Variants in DLG2 observed in about 807,000 individuals in gnomAD.
The protein encoded by DLG2 is disks large homolog 2.
Under a neutral mutation model 132.5 loss-of-function variants are expected in DLG2, and 45 were observed. The ratio of observed to expected loss-of-function variants is 0.34; its 90% CI spans 0.27 to 0.44. The LOEUF is 0.44. DLG2 is among the 20% of genes least tolerant of loss of function. The pLI is 1.00. For synonymous variants in DLG2, 424 were observed against 419.6 expected (o/e 1.01, Z -0.13); for missense variants, 1,045 against 1,196.9 (o/e 0.87, Z 1.87).
chr11:83,916,374 G>A (rs536457828), intron 15 of DLG2, among the ~76,000 whole-genome samples: 1 of 151,986 alleles, frequency 6.6e-6, no homozygotes, highest in African/African-American at 2.4e-5. Context: ...GGAGTGCTGT[G>A]GTGTGATCTT....
At chr11:84,041,074 A>G (rs2096065737) in intron 11 of DLG2, among the ~76,000 whole-genome samples, 1 of 151,742 alleles carries the variant, frequency 6.6e-6, no homozygotes, top group African/African-American at 2.4e-5. Flanking sequence ...TTGATTTTGT[A>G]TCCTGAGACT....
intron 27 of DLG2, 43 bp downstream of exon 27, chr11:83,461,959 A>G (rs2090115142): frequency 3.0e-6 from 4 of 1,352,096 alleles, no homozygotes; most frequent in South Asian, 1.2e-5. Flanking sequence ...ATGTCAGACA[A>G]TTTATCCCCT....
At chr11:85,173,287 C>T (rs1483016200) in intron 4 of DLG2, among the ~76,000 whole-genome samples, 1 of 152,094 alleles carries the variant, frequency 6.6e-6, no homozygotes. Context: ...AAGCAAAAAC[C>T]CTACAAACCA....
intron 3 of DLG2, among the ~76,000 whole-genome samples, chr11:85,317,428 A>C (rs2080761767): frequency 6.6e-6 from 1 of 151,932 alleles, no homozygotes; most frequent in African/African-American, 2.4e-5. Context: ...TAATTTGCCC[A>C]GTATGTAGCA....
At chr11:84,322,857 T>G (rs2154397565) in intron 7 of DLG2, among the ~76,000 whole-genome samples, 1 of 152,276 alleles carries the variant, frequency 6.6e-6, no homozygotes, top group African/African-American at 2.4e-5. Flanking sequence ...CCCAAAGTGC[T>G]GAGATTACAG....
intron 6 of DLG2, among the ~76,000 whole-genome samples, chr11:84,650,871 G>GTATA (rs1398321637): frequency 3.2e-5 from 4 of 124,642 alleles, no homozygotes; most frequent in East Asian, 2.1e-4. Context: ...GTGTGTGTGT[G>GTATA]TGTATATATA....
intron 6 of DLG2, among the ~76,000 whole-genome samples, chr11:84,834,545 T>C (rs1045436737): frequency 4.0e-5 from 6 of 151,382 alleles, no homozygotes; most frequent in Non-Finnish European, 7.4e-5. Flanking sequence ...GAAAAGAACA[T>C]ATTGTGAAAA....
chr11:83,562,818 T>C (rs2096634754), intron 19 of DLG2, among the ~76,000 whole-genome samples: 1 of 152,100 alleles, frequency 6.6e-6, no homozygotes, highest in Non-Finnish European at 1.5e-5. Flanking sequence ...GATAAACTAA[T>C]ATGGAACAAA....
chr11:85,504,426 C>T (rs1035857465), intron 3 of DLG2, among the ~76,000 whole-genome samples: 2 of 152,206 alleles, frequency 1.3e-5, no homozygotes, highest in African/African-American at 4.8e-5. Context: ...CAGCTTTCTA[C>T]ATATGGCTAG....
intron 6 of DLG2, among the ~76,000 whole-genome samples, chr11:84,535,075 A>G (rs2099352202): frequency 6.6e-6 from 1 of 152,228 alleles, no homozygotes; most frequent in South Asian, 2.1e-4. Context: ...GTAGCTAAGT[A>G]TGTGTTAAAA....
At chr11:84,817,949 T>C (rs1289100860) in intron 6 of DLG2, among the ~76,000 whole-genome samples, 1 of 151,968 alleles carries the variant, frequency 6.6e-6, no homozygotes, top group Non-Finnish European at 1.5e-5. Context: ...ATCATAACAA[T>C]TATATATTAA....
intron 20 of DLG2, among the ~76,000 whole-genome samples, chr11:83,533,416 A>T (rs996003534): frequency 6.6e-6 from 1 of 152,220 alleles, no homozygotes; most frequent in African/African-American, 2.4e-5. Context: ...ACTGCAATGA[A>T]TTCTTAGCAA....
chr11:83,644,799 A>G (rs913946833), intron 18 of DLG2, among the ~76,000 whole-genome samples: 2 of 152,118 alleles, frequency 1.3e-5, no homozygotes, highest in African/African-American at 2.4e-5. Flanking sequence ...AGGATCTATG[A>G]GAAAGTGAAG....
chr11:84,265,005 C>A (rs1025858904), intron 7 of DLG2, among the ~76,000 whole-genome samples: 2 of 152,050 alleles, frequency 1.3e-5, no homozygotes, highest in Non-Finnish European at 2.9e-5. Context: ...TTTTGAATAT[C>A]ATAAAAGTAG....
intron 6 of DLG2, among the ~76,000 whole-genome samples, chr11:85,044,173 C>A: frequency 6.6e-6 from 1 of 152,050 alleles, no homozygotes; most frequent in East Asian, 1.9e-4. Flanking sequence ...ACCTCTACTA[C>A]AGAGTTTCCT....
chr11:83,855,511 G>A (rs186397118), intron 16 of DLG2, among the ~76,000 whole-genome samples: 146 of 152,194 alleles, frequency 9.6e-4, no homozygotes, highest in Non-Finnish European at 6.6e-4. Flanking sequence ...ATGAACTACC[G>A]AGCCACAGAA....
chr11:84,021,033 T>C (rs1346730255), intron 11 of DLG2, among the ~76,000 whole-genome samples: 1 of 152,134 alleles, frequency 6.6e-6, no homozygotes, highest in East Asian at 1.9e-4. Flanking sequence ...AGAAAGGGTA[T>C]AGAAAGTTAC....
At chr11:85,100,536 T>C (rs996502272) in intron 6 of DLG2, among the ~76,000 whole-genome samples, 3 of 152,142 alleles carry the variant, frequency 2.0e-5, no homozygotes, top group Non-Finnish European at 4.4e-5. Flanking sequence ...CCTTAAGTGA[T>C]GGCCGAAAAG....
At chr11:83,903,661 A>G (rs1480436661) in intron 15 of DLG2, among the ~76,000 whole-genome samples, 1 of 152,172 alleles carries the variant, frequency 6.6e-6, no homozygotes, top group East Asian at 1.9e-4. Flanking sequence ...TTCCTAGGCC[A>G]TTTGTACTGT....
Sources: gnomAD v4.1 joint callset for allele counts (sites outside exome capture counted in the v4.1 genomes callset) on GRCh38, gnomAD v4.1.1 for gene constraint, MANE v1.5 for transcripts, NCBI Gene and HGNC (gene_info 2026-07-23, HGNC 2026-07-21) for gene names.